KCNG2: variants seen among roughly 807,000 people sequenced by gnomAD.
The protein encoded by KCNG2 is potassium voltage-gated channel modifier subfamily G member 2, also known as voltage-gated potassium channel regulatory subunit KCNG2.
In KCNG2, 7 loss-of-function variants were observed where a neutral mutation model predicts 12.3. The observed-to-expected ratio is 0.57, with a 90% CI of 0.32 to 1.07. The LOEUF (loss-of-function observed/expected upper bound fraction) is 1.07, where lower values mean the gene tolerates loss of function less well. Among genes scored for constraint, KCNG2 ranks in the 50% least tolerant of loss-of-function variants. The pLI is 0.04. For missense variants in KCNG2, 703 were observed against 726.0 expected (o/e 0.97, Z 0.36); for synonymous variants, 414 against 351.4 (o/e 1.18, Z -1.99).
In KCNG2 at chr18:79,893,415, G is replaced by T. The variant is rs1599439018; in HGVS notation, c.625-5625G>T. Among the ~76,000 whole-genome samples the T allele has an allele frequency of 2.7e-5, 4 of 150,448 alleles. No homozygotes were observed. In the South Asian group the frequency reaches 8.4e-4, roughly 32 times the overall value. On this transcript the variant is annotated intron_variant, in intron 3 of 3. Transcript: ENST00000316249. ...TTCTTCATTGTTAACAATTCATATA[G>T]TTGGGTCTGTGTCTGCTTTTGATTG...
intron 1 of KCNG2, among the ~76,000 whole-genome samples, chr18:79,834,789 C>G (rs910763117): frequency 1.3e-5 from 2 of 152,224 alleles, no homozygotes; most frequent in African/African-American, 4.8e-5. Context: ...GAGTCAGCCA[C>G]TCTCCCACAG....
chr18:79,873,434 C>CCCCCCCCCCCCCG (rs1979938952), intron 3 of KCNG2, among the ~76,000 whole-genome samples: 1 of 145,082 alleles, frequency 6.9e-6, no homozygotes, highest in African/African-American at 2.5e-5. Flanking sequence ...CCTCCCCCCC[C>CCCCCCCCCCCCCG]CCCAGCCACC....
intron 3 of KCNG2, among the ~76,000 whole-genome samples, chr18:79,887,622 C>T (rs1175878811): frequency 6.6e-6 from 1 of 152,220 alleles, no homozygotes; most frequent in Admixed American, 6.5e-5. Context: ...GGGGCTCACA[C>T]ACCGTGGATG....
At chr18:79,852,296 C>T (rs1274370168) in intron 1 of KCNG2, among the ~76,000 whole-genome samples, 1 of 152,352 alleles carries the variant, frequency 6.6e-6, no homozygotes, top group East Asian at 1.9e-4. Context: ...TCCAATAACG[C>T]GCCATCTATC....
rs1568267974 is a variant in KCNG2, at chr18:79,878,371, A to ACG, written c.624+14080_624+14081insCG. Among the ~76,000 whole-genome samples, 187 of 95,716 alleles carry ACG rather than the reference A, an allele frequency of 2.0e-3. 38 individuals carry two copies. Among genetic ancestry groups the ACG allele is most frequent in the Middle Eastern group, 6.8e-3 (1 of 146 alleles). 62.8% of individuals were successfully genotyped at this position (95,716 alleles called of 152,430 possible). ...AGTGTGCGGAGGGCGCCTGATGCCC[A>ACG]TGTGGCAGTGTGCGGAGGGCGCCTG... is the stretch of plus-strand genomic sequence containing the variant. On this transcript the variant is annotated intron_variant, in intron 3 of 3. Transcript: ENST00000316249.
rs1348317173 is a variant in KCNG2 at position 79,899,028 on chromosome 18, CT to C, written c.625-11del. ...GCCTGCGCCCCCAACCCCGTGTCCC[CT>C]CTCCCCGCAGGGCGAGTGCTCCCCC... On this transcript the variant is annotated splice_polypyrimidine_tract_variant and intron_variant, in intron 3 of 3. Transcript: ENST00000316249. The C allele has an allele frequency of 1.3e-6, 2 of 1,532,872 alleles. No homozygotes were observed. Among genetic ancestry groups the C allele is most frequent in the Non-Finnish European group, 1.7e-6 (2 of 1,143,852 alleles). 95.0% of individuals were successfully genotyped at this position (1,532,872 alleles called of 1,614,324 possible).
intron 3 of KCNG2, among the ~76,000 whole-genome samples, chr18:79,893,547 T>C (rs1956963486): frequency 6.6e-6 from 1 of 152,068 alleles, no homozygotes; most frequent in African/African-American, 2.4e-5. Context: ...TCGATTGATA[T>C]AGCTGGGTCT....
intron 1 of KCNG2, among the ~76,000 whole-genome samples, chr18:79,842,461 G>C (rs1241225503): frequency 6.6e-6 from 1 of 152,102 alleles, no homozygotes; most frequent in Non-Finnish European, 1.5e-5. Context: ...TGAATAATCA[G>C]GGAACATGAC....
At chr18:79,830,432 T>A (rs531229431) in intron 1 of KCNG2, among the ~76,000 whole-genome samples, 1 of 152,382 alleles carries the variant, frequency 6.6e-6, no homozygotes, top group Non-Finnish European at 1.5e-5. Context: ...CCAATTTAAC[T>A]GTCACACTTA....
intron 3 of KCNG2, among the ~76,000 whole-genome samples, chr18:79,872,565 G>A (rs8091497): frequency 0.31 from 46,697 of 152,034 alleles, 8,256 homozygotes; most frequent in South Asian, 0.53. Flanking sequence ...GATTACAGGC[G>A]GAGGCACCGC....
At chr18:79,806,939 A>G (rs929821536) in intron 1 of KCNG2, among the ~76,000 whole-genome samples, 2 of 152,234 alleles carry the variant, frequency 1.3e-5, no homozygotes, top group African/African-American at 4.8e-5. Flanking sequence ...ACCCTTACTC[A>G]TGGATCTAGG....
intron 1 of KCNG2, among the ~76,000 whole-genome samples, chr18:79,854,595 T>C (rs893678008): frequency 4.0e-5 from 6 of 151,596 alleles, no homozygotes; most frequent in Non-Finnish European, 7.4e-5. Context: ...GGCGTGATCT[T>C]GGCTCACTGC....
intron 3 of KCNG2, among the ~76,000 whole-genome samples, chr18:79,896,925 A>G (rs1980996817): frequency 1.3e-5 from 2 of 152,032 alleles, no homozygotes; most frequent in South Asian, 4.1e-4. Context: ...TATGGCTTGC[A>G]GTGTTTCTGC....
chr18:79,863,840 T>C lies in KCNG2; in HGVS notation c.173T>C (p.Val58Ala). 6.9e-7 allele frequency: 1 copy of C among 1,451,656 alleles called. No homozygotes were observed. The highest frequency in any genetic ancestry group is 1.3e-5 in the South Asian group (1 of 77,584). 89.9% of individuals were successfully genotyped at this position (1,451,656 alleles called of 1,614,324 possible). Residue 58 changes from valine to alanine, a missense_variant, in exon 3 of 4, where the codon GTG becomes GCG. Transcript: ENST00000316249. Reference sequence around the variant, plus strand: ...CGCGGCCACGACGACCTGCTGCGCGTGTGTGACGACTACGACGTGAGCCGC... The same window carrying C: ...CGCGGCCACGACGACCTGCTGCGCGCGTGTGACGACTACGACGTGAGCCGC... ...ACRGHDDLLR[V>A]CDDYDVSRDE...
At chr18:79,814,268 G>A (rs537267432) in intron 1 of KCNG2, among the ~76,000 whole-genome samples, 1 of 152,086 alleles carries the variant, frequency 6.6e-6, no homozygotes, top group African/African-American at 2.4e-5. Context: ...CCAGAGAAAT[G>A]GAAAATATAT....
rs1308317789 is a variant in KCNG2, at chr18:79,865,917, G to A, written c.624+1626G>A. ...GTCTGTGCTGAGAGGTCTGTGTGCTGAGAGATCTGGGTGCTGAGGTCTGGA... is the reference window on the plus strand; with the variant it reads ...GTCTGTGCTGAGAGGTCTGTGTGCTAAGAGATCTGGGTGCTGAGGTCTGGA... On this transcript the variant is annotated intron_variant, in intron 3 of 3. Coordinates refer to ENST00000316249, the MANE Select transcript of KCNG2 (RefSeq NM_012283.2). Among the ~76,000 whole-genome samples the A allele has an allele frequency of 1.2e-4, 15 of 126,334 alleles. 3 individuals carry two copies. The highest frequency in any genetic ancestry group is 1.6e-4 in the Admixed American group (2 of 12,532). 82.9% of individuals were successfully genotyped at this position (126,334 alleles called of 152,430 possible). A position where few individuals can be genotyped will look rare whatever the true frequency, so the allele number is the denominator to read the frequency against.
chr18:79,801,349 C>T (rs1204455696), intron 1 of KCNG2, among the ~76,000 whole-genome samples: 3 of 152,228 alleles, frequency 2.0e-5, no homozygotes, highest in African/African-American at 4.8e-5. Context: ...GCCAGCTCTG[C>T]GTCCTCCTCC....
rs757502143 is a variant in KCNG2, at chr18:79,864,215, C to T, written c.548C>T (p.Ser183Phe). 1 of 1,550,184 alleles carries T rather than the reference C, an allele frequency of 6.5e-7. No homozygotes were observed. Among genetic ancestry groups the T allele is most frequent in the Admixed American group, 1.8e-5 (1 of 56,096 alleles). The change falls in exon 3 of 4, where the codon TCC (serine) becomes TTC (phenylalanine). Residue 183 changes from serine (S) to phenylalanine (F), a missense_variant. Ser to Phe is a radical substitution (Grantham distance 155). Coordinates refer to ENST00000316249, the MANE Select transcript of KCNG2 (RefSeq NM_012283.2). ...GLAGKLFACVSVSFVAVTAVG... is the reference protein window; with the variant it reads ...GLAGKLFACVFVSFVAVTAVG... ...GCGGGCAAGCTCTTCGCCTGCGTGT[C>T]CGTGTCCTTCGTGGCCGTCACGGCC...
chr18:79,878,669 A>C (rs992216366), intron 3 of KCNG2, among the ~76,000 whole-genome samples: 22 of 152,270 alleles, frequency 1.4e-4, no homozygotes, highest in African/African-American at 5.3e-4. Flanking sequence ...TAATACTTAG[A>C]CTTTTGATTA....
Sources: gnomAD v4.1 joint callset for allele counts (sites outside exome capture counted in the v4.1 genomes callset) on GRCh38, gnomAD v4.1.1 for gene constraint, MANE v1.5 for transcripts, NCBI Gene and HGNC (gene_info 2026-07-23, HGNC 2026-07-21) for gene names.